The following NUP54 variants were observed in gnomAD, a reference collection of about 807,000 sequenced individuals.
NUP54 encodes the protein nucleoporin 54, also known as nucleoporin p54.
Under a neutral mutation model 66.4 loss-of-function variants are expected in NUP54, and 27 were observed. That is an observed-to-expected ratio of 0.41 (90% confidence interval 0.30 to 0.56). NUP54 has a LOEUF of 0.56. NUP54 is among the 20% of genes least tolerant of loss of function. The pLI is 0.34. For synonymous variants in NUP54, 206 were observed against 210.7 expected (o/e 0.98, Z 0.19); for missense variants, 486 against 596.3 (o/e 0.82, Z 1.93).
At chr4:76,125,655 GGA>G (rs1478714321) in intron 8 of NUP54, among the ~76,000 whole-genome samples, 1 of 18,148 alleles carries the variant, frequency 5.5e-5, no homozygotes, top group Non-Finnish European at 1.0e-4. Flanking sequence ...AGGGGGAGAG[GGA>G]GAGAGGGGGA....
chr4:76,115,447 A>G lies in NUP54; in HGVS notation c.1443T>C (p.Ile481=). The change falls in exon 12 of 12, where the codon ATT becomes ATC. Residue 481 remains isoleucine (I), a synonymous_variant. Coordinates refer to ENST00000264883, the MANE Select transcript of NUP54 (RefSeq NM_017426.4). ...GCTTTATATCTTCTAGATCGTCTTT[A>G]ATGATGCTAATCAAATGGCTAAGGC... ...QEGLSHLISI[I]KDDLEDIKLV... The G allele has an allele frequency of 6.2e-7, 1 of 1,611,190 alleles. No individual in the cohort carries two copies. Among genetic ancestry groups the G allele is most frequent in the East Asian group, 2.2e-5 (1 of 44,712 alleles).
At chr4:76,131,690 C>G (rs905270732) in intron 6 of NUP54, among the ~76,000 whole-genome samples, 1 of 151,846 alleles carries the variant, frequency 6.6e-6, no homozygotes, top group Non-Finnish European at 1.5e-5. Context: ...AATAACATTC[C>G]TGTTATGAAT....
chr4:76,125,668 GAGA>G (rs1195991397), intron 8 of NUP54, among the ~76,000 whole-genome samples: 1 of 29,554 alleles, frequency 3.4e-5, no homozygotes, highest in Non-Finnish European at 6.6e-5. Context: ...GAGAGGGGGA[GAGA>G]GGGAGAGAGG....
intron 8 of NUP54, among the ~76,000 whole-genome samples, chr4:76,128,551 G>A (rs1399997170): frequency 6.6e-6 from 1 of 152,140 alleles, no homozygotes; most frequent in African/African-American, 2.4e-5. Context: ...TAACAATATA[G>A]GTAGGTTAAA....
At chr4:76,134,575 G>A (rs1375144450) in intron 4 of NUP54, among the ~76,000 whole-genome samples, 1 of 150,390 alleles carries the variant, frequency 6.6e-6, no homozygotes. Context: ...AACCTATAGA[G>A]TAAGATTAAC....
At chr4:76,146,381 A>T (rs1731500800) in intron 1 of NUP54, among the ~76,000 whole-genome samples, 1 of 152,236 alleles carries the variant, frequency 6.6e-6, no homozygotes, top group African/African-American at 2.4e-5. Flanking sequence ...GCCAATTTTA[A>T]GCAAACAAGG....
At chr4:76,134,759 T>C (rs1162599154) in intron 4 of NUP54, among the ~76,000 whole-genome samples, 1 of 152,114 alleles carries the variant, frequency 6.6e-6, no homozygotes, top group African/African-American at 2.4e-5. Flanking sequence ...TTTTTCCATT[T>C]TATAGGGTGT....
At chr4:76,116,361 G>A (rs966882129) in intron 11 of NUP54, among the ~76,000 whole-genome samples, 3 of 152,160 alleles carry the variant, frequency 2.0e-5, no homozygotes, top group Non-Finnish European at 4.4e-5. Context: ...ATTTGTTGAT[G>A]ACATTTATAA....
chr4:76,117,932 T>G (rs1290868212), intron 10 of NUP54, 143 bp downstream of exon 10: 9 of 1,018,448 alleles, frequency 8.8e-6, no homozygotes, highest in Non-Finnish European at 8.9e-6. Flanking sequence ...AAAAGAACCA[T>G]GACTGAGTTT....
chr4:76,133,066 T>A (rs1053106838), intron 5 of NUP54, among the ~76,000 whole-genome samples: 6 of 149,800 alleles, frequency 4.0e-5, no homozygotes, highest in Non-Finnish European at 7.4e-5. Context: ...ATATATATAT[T>A]TTTAAATTTT....
In NUP54 at chr4:76,127,093, A is replaced by C. The variant is rs114268537; in HGVS notation, c.1057-2337T>G. Among the ~76,000 whole-genome samples, 709 of 152,298 alleles carry C rather than the reference A, an allele frequency of 4.7e-3. 5 individuals are homozygous for C. Among genetic ancestry groups the C allele is most frequent in the Middle Eastern group, 0.01 (3 of 294 alleles). On this transcript the variant is annotated intron_variant, in intron 8 of 11. Transcript: ENST00000264883. The stretch of plus-strand genomic sequence containing the variant: ...ATATATATGCAAACAGTGTAATTTA[A>C]ATTCTTTGATAATCATTGAGGAATA...
chr4:76,148,350 A>G lies in NUP54; in HGVS notation c.25T>C (p.Ser9Pro). MAFNFGAPSGTSGTAAATA... is the reference protein window; with the variant it reads MAFNFGAPPGTSGTAAATA... Reference sequence around the variant, plus strand: ...GCTGCAGCGGTACCGGAGGTGCCCGAGGGAGCCCCAAAATTGAAGGCCATG... The same window carrying G: ...GCTGCAGCGGTACCGGAGGTGCCCGGGGGAGCCCCAAAATTGAAGGCCATG... The change falls in exon 1 of 12, where the codon TCG becomes CCG. Residue 9 changes from serine to proline, a missense_variant. Transcript: ENST00000264883. The G allele has an allele frequency of 6.5e-7, 1 of 1,549,812 alleles. No homozygotes were observed. The highest frequency in any genetic ancestry group is 8.7e-7 in the Non-Finnish European group (1 of 1,148,208).
chr4:76,135,425 G>A (rs1481323826), intron 4 of NUP54, among the ~76,000 whole-genome samples: 4 of 152,004 alleles, frequency 2.6e-5, no homozygotes, highest in African/African-American at 2.4e-5. Context: ...ACCTCTTAGC[G>A]ACTAAATACA....
intron 8 of NUP54, among the ~76,000 whole-genome samples, chr4:76,126,534 G>A (rs1730545946): frequency 1.3e-5 from 2 of 152,042 alleles, no homozygotes; most frequent in Non-Finnish European, 2.9e-5. Flanking sequence ...AATCACCAGG[G>A]TTTTTAGATA....
chr4:76,148,006 G>C (rs919642394), intron 1 of NUP54: 5 of 381,096 alleles, frequency 1.3e-5, no homozygotes, highest in African/African-American at 8.2e-5. Flanking sequence ...CAAGGGGAGA[G>C]GGAAGCAACC....
chr4:76,119,068 A>G (rs1730108300), intron 9 of NUP54, among the ~76,000 whole-genome samples: 1 of 152,142 alleles, frequency 6.6e-6, no homozygotes, highest in Non-Finnish European at 1.5e-5. Context: ...TAGACAACAT[A>G]ATACCAGTTT....
chr4:76,126,819 T>C (rs1328826999), intron 8 of NUP54, among the ~76,000 whole-genome samples: 3 of 152,210 alleles, frequency 2.0e-5, no homozygotes, highest in Non-Finnish European at 4.4e-5. Context: ...AAATTAGTCT[T>C]TGCATTTAAT....
chr4:76,133,619 T>C (rs1380664730), intron 5 of NUP54, among the ~76,000 whole-genome samples: 1 of 152,152 alleles, frequency 6.6e-6, no homozygotes, highest in African/African-American at 2.4e-5. Context: ...TAAGATAATA[T>C]TTATAAAAGG....
rs1036523453 is a variant in NUP54 at position 76,147,086 on chromosome 4, C to T, written c.67+1222G>A. ...TTGTTTCTCTTTGGAAACACAAGGA[C>T]AATAAAATGAAATCTCAATGAAAGA... On this transcript the variant is annotated intron_variant, in intron 1 of 11. Coordinates refer to ENST00000264883, the MANE Select transcript of NUP54 (RefSeq NM_017426.4). 5.3e-5 allele frequency among the ~76,000 whole-genome samples: 8 copies of T among 152,118 alleles called. No individual in the cohort carries two copies. In the East Asian group the frequency reaches 1.2e-3, roughly 22 times the overall value.
Sources: gnomAD v4.1 joint callset for allele counts (sites outside exome capture counted in the v4.1 genomes callset) on GRCh38, gnomAD v4.1.1 for gene constraint, MANE v1.5 for transcripts, NCBI Gene and HGNC (gene_info 2026-07-23, HGNC 2026-07-21) for gene names.